Variants in AGBL1 observed in about 807,000 individuals in gnomAD.
AGBL1 encodes cytosolic carboxypeptidase 4.
A neutral mutation model predicts 118.9 loss-of-function variants in AGBL1; 130 were observed. The observed-to-expected ratio is 1.09, with a 90% CI of 0.95 to 1.26. The LOEUF (loss-of-function observed/expected upper bound fraction) is 1.26, where lower values mean the gene tolerates loss of function less well. Among genes scored for constraint, AGBL1 ranks in the 50% most tolerant of loss-of-function variants. The pLI, the probability that AGBL1 is intolerant of heterozygous loss-of-function variation, is 0.00. For missense variants in AGBL1, 1,584 were observed against 1,298.1 expected, an observed-to-expected ratio of 1.22 and a Z score of -3.38; for synonymous variants, 555 against 478.9, an observed-to-expected ratio of 1.16 and a Z score of -2.08.
chr15:86,732,889 C>T (rs2077544369), intron 22 of AGBL1, among the ~76,000 whole-genome samples: 1 of 149,058 alleles, frequency 6.7e-6, no homozygotes, highest in South Asian at 2.1e-4. Context: ...AGATATATAG[C>T]TATAGATAAA....
intron 17 of AGBL1, among the ~76,000 whole-genome samples, chr15:86,367,919 G>A (rs2080915540): frequency 6.6e-6 from 1 of 152,024 alleles, no homozygotes; most frequent in Non-Finnish European, 1.5e-5. Context: ...AAGGAGACGT[G>A]GTAGCTAGCA....
chr15:86,470,654 T>G (rs796159586), intron 18 of AGBL1, among the ~76,000 whole-genome samples: 5 of 152,308 alleles, frequency 3.3e-5, no homozygotes, highest in African/African-American at 1.2e-4. Context: ...ATATTAACTT[T>G]TTCAATTCTT....
At chr15:86,583,557 C>T (rs978953202) in intron 21 of AGBL1, among the ~76,000 whole-genome samples, 3 of 152,090 alleles carry the variant, frequency 2.0e-5, no homozygotes, top group African/African-American at 7.2e-5. Flanking sequence ...TATATATGTA[C>T]ATTTCCTTTA....
At position 86,907,847 on chromosome 15, in the gene AGBL1, C is replaced by A. The variant is rs775298192; in HGVS notation, c.*553C>A. The A allele has an allele frequency of 2.0e-5, 3 of 152,140 alleles. No homozygotes were observed. The highest frequency in any genetic ancestry group is 4.4e-5 in the Non-Finnish European group (3 of 68,034). The allele number at this position is 152,140 out of a possible 1,614,324, so 9.4% of individuals were successfully genotyped here. A position where few individuals can be genotyped will look rare whatever the true frequency, so the allele number is the denominator to read the frequency against. On this transcript the variant is annotated 3_prime_UTR_variant, in exon 23 of 23. Coordinates refer to ENST00000614907, the MANE Select transcript of AGBL1 (RefSeq NM_001386094.1). ...GAAAAACTGTGCATCCAAGTAATTG[C>A]AGGTTTCATCTGTGATCTTCTCAAG...
In AGBL1 at chr15:86,365,072, C is replaced by T. The variant is rs143308566; in HGVS notation, c.2375-32294C>T. ...ACATATATATACACATATATATATA[C>T]ACACACACATATATATAATTGATTT... On this transcript the variant is annotated intron_variant, in intron 17 of 22. Transcript: ENST00000614907. Among the ~76,000 whole-genome samples, 11 of 145,832 alleles carry T rather than the reference C, an allele frequency of 7.5e-5. No homozygotes were observed. In the East Asian group the frequency reaches 2.0e-3, roughly 26 times the overall value.
chr15:86,605,904 A>G (rs1567080520), intron 21 of AGBL1, among the ~76,000 whole-genome samples: 2 of 151,968 alleles, frequency 1.3e-5, no homozygotes, highest in South Asian at 2.1e-4. Context: ...AGGAAGGTGG[A>G]TCGCCTGAGG....
intron 21 of AGBL1, among the ~76,000 whole-genome samples, chr15:86,643,851 A>G (rs2085230859): frequency 6.6e-6 from 1 of 152,166 alleles, no homozygotes; most frequent in Non-Finnish European, 1.5e-5. Context: ...TTTGTTATGC[A>G]TTTACTCTTT....
At chr15:86,325,055 T>C (rs1187520828) in intron 17 of AGBL1, among the ~76,000 whole-genome samples, 1 of 152,094 alleles carries the variant, frequency 6.6e-6, no homozygotes. Context: ...AAGGAGGAGT[T>C]TTGTTTCATC....
intron 1 of AGBL1, among the ~76,000 whole-genome samples, chr15:86,125,273 C>A (rs558280286): frequency 9.2e-5 from 14 of 152,304 alleles, no homozygotes; most frequent in African/African-American, 3.4e-4. Context: ...TGGAAAGACC[C>A]TCCACTTCCT....
At chr15:86,113,286 T>C (rs1567062581) in intron 1 of AGBL1, among the ~76,000 whole-genome samples, 1 of 140,072 alleles carries the variant, frequency 7.1e-6, no homozygotes, top group Non-Finnish European at 1.6e-5. Context: ...TTTCTTTCTT[T>C]CTTTTTTTTT....
chr15:86,555,076 T>G (rs956475709), intron 21 of AGBL1, among the ~76,000 whole-genome samples: 4 of 152,228 alleles, frequency 2.6e-5, no homozygotes, highest in African/African-American at 9.6e-5. Context: ...TGGACTCATA[T>G]GCTAGTGTTG....
chr15:86,379,608 A>G (rs1414867799), intron 17 of AGBL1, among the ~76,000 whole-genome samples: 1 of 152,226 alleles, frequency 6.6e-6, no homozygotes, highest in Non-Finnish European at 1.5e-5. Flanking sequence ...GCATTATCAT[A>G]TTTAATTTTG....
intron 17 of AGBL1, among the ~76,000 whole-genome samples, chr15:86,342,205 A>T (rs1345752508): frequency 6.6e-6 from 1 of 152,136 alleles, no homozygotes; most frequent in African/African-American, 2.4e-5. Flanking sequence ...AGCACTGTCT[A>T]AGCTTTTTAC....
chr15:86,713,643 A>G (rs753583319), intron 22 of AGBL1, among the ~76,000 whole-genome samples: 6 of 152,176 alleles, frequency 3.9e-5, no homozygotes, highest in Non-Finnish European at 5.9e-5. Flanking sequence ...CTGTGCCCCA[A>G]TACTCTTCAA....
chr15:86,470,894 ATTTG>A (rs2082471085), intron 18 of AGBL1, among the ~76,000 whole-genome samples: 1 of 152,016 alleles, frequency 6.6e-6, no homozygotes, highest in African/African-American at 2.4e-5. Context: ...GCATTACTGA[ATTTG>A]TTTATTAGTT....
chr15:86,085,176 A>T (rs1446762750), intron 1 of AGBL1, among the ~76,000 whole-genome samples: 2 of 152,204 alleles, frequency 1.3e-5, no homozygotes, highest in Non-Finnish European at 2.9e-5. Flanking sequence ...ATTTTATGGA[A>T]GTTGGGGGAA....
chr15:86,332,766 A>G lies in AGBL1; in HGVS notation c.2374+37358A>G, dbSNP rs943780810. 3.3e-5 allele frequency among the ~76,000 whole-genome samples: 5 copies of G among 152,164 alleles called. No homozygotes were observed. In the South Asian group the frequency reaches 1.0e-3, roughly 32 times the overall value. ...CAGAATATACATTATTCTCATCTGC[A>G]CACAGAGTATACTCCAAGATCGACC... On this transcript the variant is annotated intron_variant, in intron 17 of 22. Coordinates refer to ENST00000614907, the MANE Select transcript of AGBL1 (RefSeq NM_001386094.1).
intron 23 of AGBL1, among the ~76,000 whole-genome samples, chr15:86,973,207 A>T (rs1473978287): frequency 6.6e-6 from 1 of 152,016 alleles, no homozygotes; most frequent in Non-Finnish European, 1.5e-5. Context: ...AGTTGTTATT[A>T]TTCCTTGTTT....
intron 17 of AGBL1, among the ~76,000 whole-genome samples, chr15:86,368,736 A>G (rs1223944126): frequency 6.6e-6 from 1 of 152,192 alleles, no homozygotes; most frequent in African/African-American, 2.4e-5. Context: ...TATCTGATAG[A>G]ACTTCCAGAA....
Sources: allele counts gnomAD v4.1 joint callset (sites outside exome capture counted in the v4.1 genomes callset), GRCh38; gene constraint gnomAD v4.1.1; transcripts MANE v1.5; gene names NCBI Gene and HGNC (gene_info 2026-07-23, HGNC 2026-07-21).